Variants in ZDHHC6 observed in about 807,000 individuals in gnomAD.
The protein encoded by ZDHHC6 is zDHHC palmitoyltransferase 6.
ZDHHC6 carries 32 observed loss-of-function variants against 57.8 expected under a neutral mutation model. The ratio of observed to expected loss-of-function variants is 0.55; its 90% CI spans 0.42 to 0.74. The LOEUF (loss-of-function observed/expected upper bound fraction) is 0.74, where lower values mean the gene tolerates loss of function less well. Among genes scored for constraint, ZDHHC6 ranks in the 30% least tolerant of loss-of-function variants. The probability of loss-of-function intolerance (pLI) is 0.00; values close to 1 mark genes in which losing one functional copy is unlikely to be tolerated. For synonymous variants in ZDHHC6, 128 were observed against 158.0 expected, an observed-to-expected ratio of 0.81 and a Z score of 1.42; for missense variants, 433 against 500.7, an observed-to-expected ratio of 0.86 and a Z score of 1.29.
chr10:112,432,673 CTAGT>C (rs1845155845), intron 8 of ZDHHC6, 152 bp from the exon 9 acceptor site: 2 of 923,532 alleles, frequency 2.2e-6, no homozygotes, highest in African/African-American at 3.3e-5. Flanking sequence ...CCCCATCCAC[CTAGT>C]TCCCTGGGAG....
At chr10:112,447,150 C>A (rs1846854853), upstream of ZDHHC6, 4 of 530,000 alleles carry the variant, frequency 7.5e-6, no homozygotes, top group Admixed American at 3.0e-5. Flanking sequence ...ACTTACTTAT[C>A]TTAAAGTCGG....
At chr10:112,438,315 G>A in intron 6 of ZDHHC6, 21 bp downstream of exon 6, 1 of 1,281,702 alleles carries the variant, frequency 7.8e-7, no homozygotes, top group Non-Finnish European at 1.0e-6. Context: ...TAATATTGAA[G>A]AAACAATTAT....
chr10:112,442,676 G>A (rs1243972152), intron 3 of ZDHHC6, among the ~76,000 whole-genome samples: 1 of 152,116 alleles, frequency 6.6e-6, no homozygotes, highest in Non-Finnish European at 1.5e-5. Context: ...AATGAGCATG[G>A]TTCCTGGTTT....
chr10:112,435,075 A>G (rs1419390308), intron 6 of ZDHHC6, among the ~76,000 whole-genome samples: 1 of 152,222 alleles, frequency 6.6e-6, no homozygotes, highest in African/African-American at 2.4e-5. Flanking sequence ...TCACACATGT[A>G]CACATAACTC....
At chr10:112,438,249 A>G (rs908423939) in intron 6 of ZDHHC6, 87 bp downstream of exon 6, 22 of 980,824 alleles carry the variant, frequency 2.2e-5, no homozygotes, top group South Asian at 2.9e-5. Flanking sequence ...ATCCGGTCTA[A>G]TAACAGACTT....
chr10:112,443,183 A>C (rs1846302136), intron 3 of ZDHHC6, among the ~76,000 whole-genome samples: 2 of 152,262 alleles, frequency 1.3e-5, no homozygotes, highest in Non-Finnish European at 2.9e-5. Flanking sequence ...AAGTTAGTCC[A>C]GATGGCAGCT....
intron 6 of ZDHHC6, among the ~76,000 whole-genome samples, chr10:112,435,199 A>C (rs372582071): frequency 6.6e-6 from 1 of 152,134 alleles, no homozygotes; most frequent in South Asian, 2.1e-4. Context: ...TTGGCTTTGG[A>C]TTTCTTAAGT....
At chr10:112,432,750 ATTAGAG>A (rs1416152653) in intron 8 of ZDHHC6, among the ~76,000 whole-genome samples, 2 of 152,156 alleles carry the variant, frequency 1.3e-5, no homozygotes, top group African/African-American at 4.8e-5. Context: ...ATAGCTAAGA[ATTAGAG>A]TTAGAGCAGG....
intron 8 of ZDHHC6, among the ~76,000 whole-genome samples, chr10:112,433,003 G>C (rs1466872376): frequency 1.3e-5 from 2 of 152,150 alleles, no homozygotes; most frequent in Non-Finnish European, 2.9e-5. Flanking sequence ...GAGCTGTATT[G>C]AGGATAATTA....
intron 1 of ZDHHC6, 139 bp from the exon 2 acceptor site, chr10:112,445,789 T>G: frequency 2.5e-6 from 1 of 397,592 alleles, no homozygotes; most frequent in Non-Finnish European, 4.5e-6. Flanking sequence ...GCATATCTTG[T>G]CAAATGTCAA....
Position 112,433,298 on chromosome 10 carries a change from A to C in ZDHHC6, c.904-17T>G, listed in dbSNP as rs758817814. 1 of 1,550,902 alleles carries C rather than the reference A, an allele frequency of 6.4e-7. No individual in the cohort carries two copies. The highest frequency in any genetic ancestry group is 2.0e-5 in the Admixed American group (1 of 49,578). On this transcript the variant is annotated splice_polypyrimidine_tract_variant and intron_variant, in intron 7 of 10. Transcript: ENST00000369405. ...CTGTTCTATCTGTTTGGAAGAAATA[A>C]AAAGAAAAAAATGAAGTCTCTTGTC...
chr10:112,439,629 A>T (rs975218197), intron 5 of ZDHHC6, among the ~76,000 whole-genome samples: 92 of 13,652 alleles, frequency 6.7e-3, no homozygotes, highest in African/African-American at 0.016. Flanking sequence ...GACTCCGTCT[A>T]AAAAAAAAAA....
In ZDHHC6 at chr10:112,438,280, C is replaced by G. The variant is rs1218948701; in HGVS notation, c.735+56G>C. On this transcript the variant is annotated intron_variant, in intron 6 of 10. Transcript: ENST00000369405. ...GACTTTATTAATATTCAGGACTTTA[C>G]CAGTCCTTTATTAATATACTTTTTT... 5.3e-6 allele frequency: 6 copies of G among 1,137,812 alleles called. No homozygotes were observed. In the East Asian group the frequency reaches 2.0e-4, roughly 37 times the overall value. 70.5% of individuals were successfully genotyped at this position (1,137,812 alleles called of 1,614,324 possible).
intron 10 of ZDHHC6, among the ~76,000 whole-genome samples, chr10:112,431,650 G>A (rs1168203596): frequency 1.3e-5 from 2 of 151,750 alleles, no homozygotes; most frequent in African/African-American, 4.8e-5. Context: ...CGTCATAAGA[G>A]GTTAATTTAT....
intron 5 of ZDHHC6, 37 bp from the exon 6 acceptor site, chr10:112,438,426 C>A: frequency 7.6e-7 from 1 of 1,309,746 alleles, no homozygotes; most frequent in Non-Finnish European, 1.0e-6. Flanking sequence ...AATAATGCGA[C>A]CTTGGTTCCT....
chr10:112,426,118 G>A (rs1564746533), downstream of ZDHHC6: 1 of 624,824 alleles, frequency 1.6e-6, no homozygotes, highest in Non-Finnish European at 2.8e-6. Flanking sequence ...AATATATGGT[G>A]AGAAAAGAAC....
At chr10:112,434,260 G>A (rs560733029) in intron 7 of ZDHHC6, 37 bp downstream of exon 7, 4 of 1,502,322 alleles carry the variant, frequency 2.7e-6, no homozygotes, top group East Asian at 2.4e-5. Flanking sequence ...AAGAAGGCGA[G>A]GCAAAAAGGA....
chr10:112,426,560 G>C (rs745839225), downstream of ZDHHC6: 1 of 619,928 alleles, frequency 1.6e-6, no homozygotes, highest in Admixed American at 3.0e-5. Context: ...TGTGGGAAAA[G>C]ATTGGGAAAG....
At chr10:112,426,634 TTC>T (rs1276114541), downstream of ZDHHC6, 2 of 680,508 alleles carry the variant, frequency 2.9e-6, no homozygotes, top group Non-Finnish European at 5.0e-6. Context: ...TTCTCAGTTT[TTC>T]TTTCAATATT....
Sources: gnomAD v4.1 joint callset for allele counts (sites outside exome capture counted in the v4.1 genomes callset) on GRCh38, gnomAD v4.1.1 for gene constraint, MANE v1.5 for transcripts, NCBI Gene and HGNC (gene_info 2026-07-23, HGNC 2026-07-21) for gene names.